Variants in ARHGEF10 observed in about 807,000 individuals in gnomAD.
The protein encoded by ARHGEF10 is Rho guanine nucleotide exchange factor 10, also known as Rho guanine nucleotide exchange factor (GEF) 10.
A neutral mutation model predicts 147.4 loss-of-function variants in ARHGEF10; 140 were observed. The ratio of observed to expected loss-of-function variants is 0.95; its 90% CI spans 0.83 to 1.09. The LOEUF is 1.09. Ranked by LOEUF, ARHGEF10 falls within the 50% of genes least tolerant of loss-of-function variation. ARHGEF10 has a pLI of 0.00. For synonymous variants in ARHGEF10, 902 were observed against 695.8 expected (o/e 1.30, Z -4.67); for missense variants, 2,222 against 1,752.7 (o/e 1.27, Z -4.78).
intron 11 of ARHGEF10, among the ~76,000 whole-genome samples, chr8:1,889,905 A>AGGGT (rs1396622457): frequency 4.7e-5 from 5 of 107,036 alleles, no homozygotes; most frequent in African/African-American, 1.6e-4. Context: ...CATGGGGTGA[A>AGGGT]CTTTGTTAGG....
chr8:1,903,927 C>A (rs1024731267), intron 16 of ARHGEF10: 4 of 195,684 alleles, frequency 2.0e-5, no homozygotes, highest in Non-Finnish European at 4.2e-5. Context: ...GAACCCATAT[C>A]TAAAAAAAGA....
At chr8:1,874,330 C>T (rs941208768) in intron 7 of ARHGEF10, among the ~76,000 whole-genome samples, 3 of 152,218 alleles carry the variant, frequency 2.0e-5, no homozygotes, top group African/African-American at 7.2e-5. Flanking sequence ...GATCCTGTGG[C>T]TGGGTCCCAG....
At chr8:1,836,540 G>T (rs1437601379) in intron 1 of ARHGEF10, among the ~76,000 whole-genome samples, 1 of 152,170 alleles carries the variant, frequency 6.6e-6, no homozygotes, top group African/African-American at 2.4e-5. Flanking sequence ...GGGCTTCAGG[G>T]GGTGGGATGT....
chr8:1,856,657 C>T (rs1215518066), intron 2 of ARHGEF10, among the ~76,000 whole-genome samples: 3 of 152,208 alleles, frequency 2.0e-5, no homozygotes, highest in Admixed American at 1.3e-4. Flanking sequence ...CCCCCTCAGC[C>T]CCCTCCGGAG....
At chr8:1,908,196 C>A (rs1027519540) in intron 17 of ARHGEF10, among the ~76,000 whole-genome samples, 1 of 148,798 alleles carries the variant, frequency 6.7e-6, no homozygotes, top group East Asian at 1.9e-4. Context: ...GCATAGCACC[C>A]GGCATTTTGG....
At chr8:1,896,065 T>C (rs1337009994) in intron 13 of ARHGEF10, among the ~76,000 whole-genome samples, 1 of 152,124 alleles carries the variant, frequency 6.6e-6, no homozygotes, top group East Asian at 1.9e-4. Flanking sequence ...TCATGAACAT[T>C]CTTAACTGAA....
At chr8:1,929,773 C>A (rs1423424096) in intron 25 of ARHGEF10, among the ~76,000 whole-genome samples, 1 of 152,218 alleles carries the variant, frequency 6.6e-6, no homozygotes, top group Non-Finnish European at 1.5e-5. Flanking sequence ...AGCTGAGCAG[C>A]CTGCCCGCCC....
chr8:1,849,601 G>A (rs11775187), intron 2 of ARHGEF10, among the ~76,000 whole-genome samples: 61,255 of 139,650 alleles, frequency 0.44, 15,302 homozygotes, highest in South Asian at 0.58. Flanking sequence ...GGACACAGAC[G>A]GCAAATGCTG....
chr8:1,869,514 A>C, intron 7 of ARHGEF10: 1 of 598,554 alleles, frequency 1.7e-6, no homozygotes, highest in Non-Finnish European at 3.0e-6. Context: ...ATGCCGGCAA[A>C]GAGGTAGGAA....
chr8:1,864,416 TTCCGAGGAGCC>T lies in ARHGEF10; in HGVS notation c.529_539del (p.Glu177AsnfsTer3). The T allele has an allele frequency of 6.2e-7, 1 of 1,614,134 alleles. No homozygotes were observed. ...AAGATCGCCAGCCCAATTCTCTGAGTTCCGAGGAGCCTCCAACCAGGTATCTGCATCCGTCT... is the reference window on the plus strand; with the variant it reads ...AAGATCGCCAGCCCAATTCTCTGAGTTCCAACCAGGTATCTGCATCCGTCT... On this transcript the variant is annotated frameshift_variant, in exon 5 of 29. Transcript: ENST00000349830. LOFTEE classifies it high-confidence loss of function.
At position 1,923,775 on chromosome 8, in the gene ARHGEF10, T is replaced by C; in HGVS notation, c.2389T>C (p.Ser797Pro). ...QLQLPGKQDK[S>P]GRPTFFTAVF... ...ATGCTTGTCTGTTGTTTCTGGCAGA[T>C]CTGGGCGACCGACGTTCTTTACAGC... The change falls in exon 21 of 29, where the codon TCT becomes CCT. Residue 797 changes from serine (S) to proline (P), a missense_variant and splice_region_variant. Transcript: ENST00000349830. 6.2e-7 allele frequency: 1 copy of C among 1,614,210 alleles called. No individual in the cohort carries two copies. The highest frequency in any genetic ancestry group is 8.5e-7 in the Non-Finnish European group (1 of 1,180,040).
chr8:1,894,066 C>T (rs1310404295), intron 12 of ARHGEF10, among the ~76,000 whole-genome samples: 3 of 150,766 alleles, frequency 2.0e-5, no homozygotes, highest in Non-Finnish European at 1.5e-5. Context: ...CCCAGCTACT[C>T]GGGAGGCTGA....
intron 1 of ARHGEF10, among the ~76,000 whole-genome samples, chr8:1,834,946 G>A (rs1415391503): frequency 2.0e-5 from 3 of 152,204 alleles, no homozygotes; most frequent in South Asian, 2.1e-4. Context: ...GTCTGTCCGC[G>A]GGGCCACTTC....
intron 11 of ARHGEF10, among the ~76,000 whole-genome samples, chr8:1,892,535 T>A (rs1249451950): frequency 6.6e-6 from 1 of 152,052 alleles, no homozygotes; most frequent in African/African-American, 2.4e-5. Flanking sequence ...ATTTCCGTTG[T>A]GAAAAATGCT....
intron 16 of ARHGEF10, 92 bp from the exon 17 acceptor site, chr8:1,905,479 T>A (rs1468565514): frequency 6.5e-7 from 1 of 1,527,424 alleles, no homozygotes; most frequent in East Asian, 2.3e-5. Flanking sequence ...TTTGGAAAAG[T>A]CACCCTGAGA....
intron 11 of ARHGEF10, among the ~76,000 whole-genome samples, chr8:1,893,000 AT>A (rs970724539): frequency 2.9e-4 from 39 of 132,950 alleles, no homozygotes; most frequent in Middle Eastern, 4.9e-3. Context: ...GATTGTAGAG[AT>A]TTTTTTTTTG....
intron 14 of ARHGEF10, among the ~76,000 whole-genome samples, chr8:1,896,721 C>G (rs924568172): frequency 2.6e-5 from 4 of 152,202 alleles, no homozygotes; most frequent in African/African-American, 9.7e-5. Context: ...GATCAGATCC[C>G]AAAGTTACCT....
In ARHGEF10 at chr8:1,841,947, GGAACTGGGGCCGCGACC is replaced by G. The variant is rs1804097517; in HGVS notation, c.-47-1404_-47-1388del. On this transcript the variant is annotated intron_variant, in intron 1 of 28. Transcript: ENST00000349830. ...CGCGGCGGGAACTGGGGCCGCGACCGGAACTGGGGCCGCGACCGGAACTGGGGCCGCGGCGGGAACTG... is the reference window on the plus strand; with the variant it reads ...CGCGGCGGGAACTGGGGCCGCGACCGGGAACTGGGGCCGCGGCGGGAACTG... 7.9e-5 allele frequency among the ~76,000 whole-genome samples: 7 copies of G among 88,274 alleles called. 1 individual carries two copies. The highest frequency in any genetic ancestry group is 4.1e-4 in the African/African-American group (7 of 16,868). 57.9% of individuals were successfully genotyped at this position (88,274 alleles called of 152,430 possible). A position where few individuals can be genotyped will look rare whatever the true frequency, so the allele number is the denominator to read the frequency against.
intron 28 of ARHGEF10, among the ~76,000 whole-genome samples, chr8:1,954,036 T>C (rs1234387060): frequency 6.6e-6 from 1 of 152,216 alleles, no homozygotes; most frequent in African/African-American, 2.4e-5. Context: ...TATTATGATA[T>C]ATGGGATTGT....
Sources: allele counts gnomAD v4.1 joint callset (sites outside exome capture counted in the v4.1 genomes callset), GRCh38; gene constraint gnomAD v4.1.1; transcripts MANE v1.5; gene names NCBI Gene and HGNC (gene_info 2026-07-23, HGNC 2026-07-21).